NWD2: variants seen among roughly 807,000 people sequenced by gnomAD.
NWD2 encodes the protein NACHT and WD repeat domain-containing protein 2.
In NWD2, 37 loss-of-function variants were observed where a neutral mutation model predicts 132.7. That is an observed-to-expected ratio of 0.28 (90% CI 0.21 to 0.37). NWD2 has a LOEUF of 0.37. Ranked by LOEUF, NWD2 falls within the 10% of genes least tolerant of loss-of-function variation. The pLI is 1.00. For synonymous variants in NWD2, 705 were observed against 803.0 expected (o/e 0.88, Z 2.06); for missense variants, 1,592 against 2,122.4 (o/e 0.75, Z 4.91).
intron 2 of NWD2, among the ~76,000 whole-genome samples, chr4:37,350,502 A>G (rs1577676395): frequency 6.6e-6 from 1 of 152,226 alleles, no homozygotes; most frequent in South Asian, 2.1e-4. Flanking sequence ...ATTGATGTAT[A>G]GGAATGCTTG....
At chr4:37,329,163 A>G (rs1719236649) in intron 2 of NWD2, among the ~76,000 whole-genome samples, 3 of 152,152 alleles carry the variant, frequency 2.0e-5, no homozygotes, top group African/African-American at 2.4e-5. Context: ...CTGAAATTCA[A>G]TGCATAACTC....
chr4:37,413,385 G>T (rs562433048), intron 3 of NWD2, among the ~76,000 whole-genome samples: 65 of 152,258 alleles, frequency 4.3e-4, no homozygotes, highest in Non-Finnish European at 6.0e-4. Context: ...CATCATCACT[G>T]GTCATTAGAG....
intron 1 of NWD2, 136 bp from the exon 2 acceptor site, chr4:37,325,800 A>G: frequency 1.7e-6 from 1 of 577,552 alleles, no homozygotes; most frequent in South Asian, 2.2e-5. Flanking sequence ...CAACAGCCAA[A>G]TATCCTGTTA....
intron 3 of NWD2, among the ~76,000 whole-genome samples, chr4:37,414,173 C>T (rs1244190405): frequency 6.6e-6 from 1 of 151,758 alleles, no homozygotes; most frequent in African/African-American, 2.4e-5. Flanking sequence ...GTAATAGTAT[C>T]GTTAGGATTA....
chr4:37,268,067 A>T (rs1298337154), intron 1 of NWD2, among the ~76,000 whole-genome samples: 2 of 152,026 alleles, frequency 1.3e-5, no homozygotes, highest in East Asian at 1.9e-4. Flanking sequence ...GACAATTTTC[A>T]TGCTTTCTTC....
intron 1 of NWD2, 105 bp downstream of exon 1, chr4:37,245,323 TTCC>T (rs1021107612): frequency 1.5e-6 from 2 of 1,305,982 alleles, no homozygotes; most frequent in African/African-American, 3.0e-5. Context: ...CTGCGCTCCC[TTCC>T]TCCAGCTAAA....
chr4:37,348,340 C>G (rs2109297540), intron 2 of NWD2, among the ~76,000 whole-genome samples: 1 of 152,146 alleles, frequency 6.6e-6, no homozygotes, highest in South Asian at 2.1e-4. Flanking sequence ...ACATAAATCA[C>G]CTCCTCCACG....
chr4:37,448,185 T>C lies in NWD2; in HGVS notation c.*968T>C, dbSNP rs921138684. On this transcript the variant is annotated 3_prime_UTR_variant, in exon 7 of 7. Transcript: ENST00000309447. ...CTTTCTCAACATGCCATCTCTGAGA[T>C]ACTGATGACGTTTGCCTTACTCACA... 8 of 152,342 alleles carry C rather than the reference T, an allele frequency of 5.3e-5. No individual in the cohort carries two copies. Among genetic ancestry groups the C allele is most frequent in the African/African-American group, 1.9e-4 (8 of 41,574 alleles). The allele number at this position is 152,342 out of a possible 1,614,324, so 9.4% of individuals were successfully genotyped here. A position where few individuals can be genotyped will look rare whatever the true frequency, so the allele number is the denominator to read the frequency against.
At chr4:37,281,111 C>T (rs1338485082) in intron 1 of NWD2, among the ~76,000 whole-genome samples, 3 of 152,088 alleles carry the variant, frequency 2.0e-5, no homozygotes, top group Non-Finnish European at 2.9e-5. Context: ...TTCTGAGGGA[C>T]AGTCCAAGGG....
intron 3 of NWD2, among the ~76,000 whole-genome samples, chr4:37,370,711 T>C (rs1720200698): frequency 6.6e-6 from 1 of 152,240 alleles, no homozygotes; most frequent in African/African-American, 2.4e-5. Flanking sequence ...TCAGATGAGA[T>C]ACGCTTTTAA....
In NWD2 at chr4:37,395,060, G is replaced by GC. The variant is rs1720760517; in HGVS notation, c.358-35506dup. ...ACTCCTGACCTCAAGTGATCCACCC[G>GC]CCCCCCAATCCTGGGCTTACAAGCG... On this transcript the variant is annotated intron_variant, in intron 3 of 6. Coordinates refer to ENST00000309447, the MANE Select transcript of NWD2 (RefSeq NM_001144990.2). Among the ~76,000 whole-genome samples the GC allele has an allele frequency of 4.6e-5, 7 of 150,976 alleles. No individual in the cohort carries two copies. The South Asian group carries it at 1.1e-3, about 23-fold the overall frequency.
chr4:37,328,331 G>T (rs1359431865), intron 2 of NWD2, among the ~76,000 whole-genome samples: 1 of 151,988 alleles, frequency 6.6e-6, no homozygotes, highest in African/African-American at 2.4e-5. Context: ...GTACCATGGT[G>T]GTTTGCTGCA....
intron 3 of NWD2, among the ~76,000 whole-genome samples, chr4:37,408,416 G>C (rs942355228): frequency 6.6e-6 from 1 of 152,200 alleles, no homozygotes; most frequent in African/African-American, 2.4e-5. Context: ...AAAGCCGCTG[G>C]AAAGTTCAAA....
At chr4:37,385,151 C>G (rs552591994) in intron 3 of NWD2, among the ~76,000 whole-genome samples, 20 of 152,200 alleles carry the variant, frequency 1.3e-4, no homozygotes, top group Non-Finnish European at 2.9e-4. Flanking sequence ...ATGACCGATC[C>G]CAGCTGACCC....
At chr4:37,430,824 G>GTTACT in intron 4 of NWD2, 49 bp downstream of exon 4, 1 of 1,477,156 alleles carries the variant, frequency 6.8e-7, no homozygotes, top group African/African-American at 1.4e-5. Flanking sequence ...TACTACATTT[G>GTTACT]TTACCATTTA....
chr4:37,437,887 C>T (rs1304397968), intron 5 of NWD2, among the ~76,000 whole-genome samples: 1 of 152,086 alleles, frequency 6.6e-6, no homozygotes, highest in African/African-American at 2.4e-5. Context: ...TTTTTCTGTA[C>T]TTGTTCTGAT....
intron 3 of NWD2, among the ~76,000 whole-genome samples, chr4:37,398,921 G>A (rs371694780): frequency 1.3e-5 from 2 of 152,102 alleles, no homozygotes; most frequent in African/African-American, 4.8e-5. Context: ...AAGGGAAAAC[G>A]CCAGATGTGA....
At chr4:37,339,523 G>C (rs1719475998) in intron 2 of NWD2, among the ~76,000 whole-genome samples, 1 of 152,170 alleles carries the variant, frequency 6.6e-6, no homozygotes, top group Non-Finnish European at 1.5e-5. Context: ...GTGGCTGTCT[G>C]ATTATACCAA....
At chr4:37,411,067 A>G (rs947860566) in intron 3 of NWD2, among the ~76,000 whole-genome samples, 22 of 152,220 alleles carry the variant, frequency 1.4e-4, no homozygotes, top group Admixed American at 1.4e-3. Context: ...TGACACCCTA[A>G]CATCAAAATT....
Sources: allele counts gnomAD v4.1 joint callset (sites outside exome capture counted in the v4.1 genomes callset), GRCh38; gene constraint gnomAD v4.1.1; transcripts MANE v1.5; gene names NCBI Gene and HGNC (gene_info 2026-07-23, HGNC 2026-07-21).